The following CBLB variants were observed in gnomAD, a reference collection of about 807,000 sequenced individuals.
CBLB encodes the protein E3 ubiquitin-protein ligase CBL-B.
A neutral mutation model predicts 104.9 loss-of-function variants in CBLB; 31 were observed. The observed-to-expected ratio is 0.30, with a 90% confidence interval of 0.22 to 0.40. The LOEUF is 0.40. Ranked by LOEUF, CBLB falls within the 10% of genes least tolerant of loss-of-function variation. The pLI is 1.00. For synonymous variants in CBLB, 440 were observed against 422.6 expected (o/e 1.04, Z -0.51); for missense variants, 1,062 against 1,214.6 (o/e 0.87, Z 1.87).
At chr3:105,731,020 T>C (rs1416310438) in intron 9 of CBLB, among the ~76,000 whole-genome samples, 3 of 152,262 alleles carry the variant, frequency 2.0e-5, no homozygotes, top group Non-Finnish European at 4.4e-5. Context: ...CTTACTAACA[T>C]TACTGAACAT....
At chr3:105,738,865 A>T (rs1376738883) in intron 7 of CBLB, among the ~76,000 whole-genome samples, 1 of 152,172 alleles carries the variant, frequency 6.6e-6, no homozygotes, top group Non-Finnish European at 1.5e-5. Context: ...AACTTGCCAT[A>T]CAATTACTAT....
intron 9 of CBLB, among the ~76,000 whole-genome samples, chr3:105,726,050 T>C (rs1402513928): frequency 2.0e-5 from 3 of 152,154 alleles, no homozygotes; most frequent in African/African-American, 4.8e-5. Context: ...GGGTTCGCCA[T>C]GTTGGCTAGG....
At chr3:105,845,553 T>C (rs1249048523) in intron 3 of CBLB, among the ~76,000 whole-genome samples, 1 of 151,556 alleles carries the variant, frequency 6.6e-6, no homozygotes, top group South Asian at 2.1e-4. Context: ...GAAACTGCTA[T>C]TAAAAAAAAA....
rs148172328 is a variant in CBLB, at chr3:105,705,819, C to T, written c.1408-1646G>A. Among the ~76,000 whole-genome samples the T allele has an allele frequency of 1.9e-3, 294 of 152,226 alleles. No homozygotes were observed. In the Middle Eastern group the frequency reaches 0.034, roughly 18 times the overall value. The stretch of plus-strand genomic sequence containing the variant: ...ACATTTATATAGTTGGAAATTTATG[C>T]GTCCTTTGTAAAGACTTTTTAAAAA... On this transcript the variant is annotated intron_variant, in intron 10 of 18. Transcript: ENST00000394030.
At chr3:105,769,819 C>CG (rs2078648584) in intron 4 of CBLB, among the ~76,000 whole-genome samples, 1 of 152,142 alleles carries the variant, frequency 6.6e-6, no homozygotes, top group South Asian at 2.1e-4. Flanking sequence ...ACACTTCAAG[C>CG]GAAAGACTGG....
intron 3 of CBLB, among the ~76,000 whole-genome samples, chr3:105,848,870 G>A (rs1215613342): frequency 6.6e-6 from 1 of 152,060 alleles, no homozygotes; most frequent in Non-Finnish European, 1.5e-5. Context: ...ATACCGATTA[G>A]GTGGAGTCAT....
In CBLB at chr3:105,861,643, T is replaced by C. The variant is rs977540679; in HGVS notation, c.168+5767A>G. 5.3e-5 allele frequency among the ~76,000 whole-genome samples: 8 copies of C among 151,156 alleles called. No individual in the cohort carries two copies. The South Asian group carries it at 6.3e-4, about 12-fold the overall frequency. ...TCCTTTCCCATCAATCTTTTTTTTT[T>C]CCCACCAATCTTTGAACCTCTCCTA... On this transcript the variant is annotated intron_variant, in intron 2 of 18. Transcript: ENST00000394030.
intron 3 of CBLB, among the ~76,000 whole-genome samples, chr3:105,835,398 A>G (rs1396929471): frequency 6.6e-6 from 1 of 152,234 alleles, no homozygotes; most frequent in Non-Finnish European, 1.5e-5. Context: ...ATAAAGAAAA[A>G]TGAACACCAG....
At chr3:105,857,780 A>C (rs1039011495) in intron 2 of CBLB, among the ~76,000 whole-genome samples, 1 of 152,172 alleles carries the variant, frequency 6.6e-6, no homozygotes, top group South Asian at 2.1e-4. Context: ...GAACACAGAA[A>C]GGAATAAATC....
chr3:105,698,384 T>A (rs547727962), intron 12 of CBLB, among the ~76,000 whole-genome samples: 1 of 152,032 alleles, frequency 6.6e-6, no homozygotes, highest in Non-Finnish European at 1.5e-5. Flanking sequence ...GGAACTGACA[T>A]AATGACAGGA....
chr3:105,668,121 T>G (rs1380579227), intron 18 of CBLB, among the ~76,000 whole-genome samples: 1 of 152,196 alleles, frequency 6.6e-6, no homozygotes, highest in Non-Finnish European at 1.5e-5. Context: ...GGGAGTAGAT[T>G]GAAATATTTG....
Position 105,658,269 on chromosome 3 carries a change from T to C in CBLB, c.*701A>G, listed in dbSNP as rs1187878282. 4.5e-6 allele frequency: 1 copy of C among 220,138 alleles called. No individual in the cohort carries two copies. The highest frequency in any genetic ancestry group is 9.1e-6 in the Non-Finnish European group (1 of 109,710). 13.6% of individuals were successfully genotyped at this position (220,138 alleles called of 1,614,324 possible). A position where few individuals can be genotyped will look rare whatever the true frequency, so the allele number is the denominator to read the frequency against. ...AACAAAAAAGGGAAGCTCCTCTATG[T>C]TATGTGAAAACCCCTTACAAAAGGC... On this transcript the variant is annotated 3_prime_UTR_variant, in exon 19 of 19. Coordinates refer to ENST00000394030, the MANE Select transcript of CBLB (RefSeq NM_170662.5).
At chr3:105,693,626 A>C (rs747764775) in intron 12 of CBLB, 38 bp from the exon 13 acceptor site, 1 of 1,418,146 alleles carries the variant, frequency 7.1e-7, no homozygotes, top group African/African-American at 1.4e-5. Context: ...CAAGAATTTA[A>C]CTTCTGAAGG....
In CBLB at chr3:105,746,068, G is replaced by A. The variant is rs181969779; in HGVS notation, c.724-30C>T. The A allele has an allele frequency of 7.0e-6, 10 of 1,430,850 alleles. No homozygotes were observed. In the African/African-American group the frequency reaches 9.9e-5, roughly 14 times the overall value. 88.6% of individuals were successfully genotyped at this position (1,430,850 alleles called of 1,614,324 possible). The stretch of plus-strand genomic sequence containing the variant: ...AAAATAAAAAAATTAAAAGAGATTA[G>A]TATCTAGAGAATATCAAATATTTTG... On this transcript the variant is annotated intron_variant, in intron 5 of 18. Coordinates refer to ENST00000394030, the MANE Select transcript of CBLB (RefSeq NM_170662.5).
At position 105,852,745 on chromosome 3, in the gene CBLB, A is replaced by AT. The variant is rs796358593; in HGVS notation, c.419+668dup. Among the ~76,000 whole-genome samples, 991 of 146,090 alleles carry AT rather than the reference A, an allele frequency of 6.8e-3. 12 individuals are homozygous for AT. The highest frequency in any genetic ancestry group is 0.023 in the African/African-American group (936 of 40,034). The stretch of plus-strand genomic sequence containing the variant: ...TATCCATTTTTATCTTTTATACAGT[A>AT]TTTTTTTTTTTGTCCAGGCTGGAGT... On this transcript the variant is annotated intron_variant, in intron 3 of 18. Transcript: ENST00000394030.
chr3:105,681,301 T>G, intron 16 of CBLB, 178 bp downstream of exon 16: 1 of 631,634 alleles, frequency 1.6e-6, no homozygotes, highest in African/African-American at 1.8e-5. Flanking sequence ...ACCTTAATCA[T>G]CTACATGGAG....
chr3:105,779,580 T>C (rs2079905220), intron 3 of CBLB, among the ~76,000 whole-genome samples: 1 of 151,952 alleles, frequency 6.6e-6, no homozygotes, highest in South Asian at 2.1e-4. Flanking sequence ...TATATGTAAA[T>C]AATCATCTTA....
intron 18 of CBLB, among the ~76,000 whole-genome samples, chr3:105,660,791 G>A (rs1204907300): frequency 1.3e-5 from 2 of 152,068 alleles, no homozygotes; most frequent in Admixed American, 6.6e-5. Flanking sequence ...CTAATCTGAT[G>A]TATTATTCAA....
intron 2 of CBLB, among the ~76,000 whole-genome samples, chr3:105,854,602 T>C (rs2153125175): frequency 6.6e-6 from 1 of 152,054 alleles, no homozygotes; most frequent in Middle Eastern, 3.4e-3. Flanking sequence ...TATTTTTTTT[T>C]TTTGTCAAAT....
Sources: gnomAD v4.1 joint callset for allele counts (sites outside exome capture counted in the v4.1 genomes callset) on GRCh38, gnomAD v4.1.1 for gene constraint, MANE v1.5 for transcripts, NCBI Gene and HGNC (gene_info 2026-07-23, HGNC 2026-07-21) for gene names.